HS3ST4: variants seen among roughly 807,000 people sequenced by gnomAD.
The protein encoded by HS3ST4 is heparan sulfate glucosamine 3-O-sulfotransferase 4.
A neutral mutation model predicts 29.2 loss-of-function variants in HS3ST4; 17 were observed. The ratio of observed to expected loss-of-function variants is 0.58; its 90% CI spans 0.40 to 0.87. The LOEUF (loss-of-function observed/expected upper bound fraction) is 0.87. Among genes scored for constraint, HS3ST4 ranks in the 40% least tolerant of loss-of-function variants. HS3ST4 has a pLI of 0.00. For missense variants in HS3ST4, 627 were observed against 634.5 expected (o/e 0.99, Z 0.13); for synonymous variants, 314 against 285.7 (o/e 1.10, Z -1.00).
At chr16:25,826,799 CT>C (rs1967221762) in intron 1 of HS3ST4, among the ~76,000 whole-genome samples, 1 of 152,092 alleles carries the variant, frequency 6.6e-6, no homozygotes, top group Non-Finnish European at 1.5e-5. Context: ...ATTTTAATAG[CT>C]TTCATGGTAT....
At chr16:25,815,514 G>A (rs921873146) in intron 1 of HS3ST4, among the ~76,000 whole-genome samples, 10 of 152,100 alleles carry the variant, frequency 6.6e-5, no homozygotes, top group Admixed American at 4.6e-4. Flanking sequence ...AGTAGAGACG[G>A]GATTTCACCT....
chr16:26,042,517 T>A (rs544098372), intron 1 of HS3ST4, among the ~76,000 whole-genome samples: 18 of 152,352 alleles, frequency 1.2e-4, no homozygotes, highest in Admixed American at 4.6e-4. Flanking sequence ...ATAGTCACAA[T>A]CCTTTTAGTT....
intron 1 of HS3ST4, among the ~76,000 whole-genome samples, chr16:26,059,201 G>T (rs1898446137): frequency 6.6e-6 from 1 of 152,122 alleles, no homozygotes; most frequent in African/African-American, 2.4e-5. Context: ...AGAGTGGCAG[G>T]TTCAAGGGTT....
intron 1 of HS3ST4, among the ~76,000 whole-genome samples, chr16:25,710,757 G>A (rs1329936166): frequency 7.1e-6 from 1 of 140,220 alleles, no homozygotes; most frequent in Non-Finnish European, 1.5e-5. Context: ...TGTACAGAAA[G>A]TTAAGTTTTG....
chr16:25,908,944 G>A (rs1410490904), intron 1 of HS3ST4, among the ~76,000 whole-genome samples: 3 of 152,206 alleles, frequency 2.0e-5, no homozygotes, highest in Non-Finnish European at 4.4e-5. Flanking sequence ...TGATGTTATA[G>A]AGATGTCCCT....
intron 1 of HS3ST4, among the ~76,000 whole-genome samples, chr16:26,030,987 A>G (rs931637845): frequency 6.6e-6 from 1 of 152,240 alleles, no homozygotes; most frequent in Non-Finnish European, 1.5e-5. Flanking sequence ...CACGTAGGAC[A>G]TGCAAAAGAA....
At chr16:26,122,016 G>A (rs1899283152) in intron 1 of HS3ST4, among the ~76,000 whole-genome samples, 1 of 152,232 alleles carries the variant, frequency 6.6e-6, no homozygotes, top group African/African-American at 2.4e-5. Flanking sequence ...AAAGAGAAAA[G>A]AGTAGAAGGA....
Position 26,136,185 on chromosome 16 carries a change from C to T in HS3ST4, c.1308C>T (p.Asn436=). The change falls in exon 2 of 2, where the codon AAC becomes AAT. Residue 436 remains asparagine (N), a synonymous_variant. Coordinates refer to ENST00000331351, the MANE Select transcript of HS3ST4 (RefSeq NM_006040.3). ...HRLRKFYKPF[N]LMFYQMTGQD... ...TGAGGAAATTCTACAAACCCTTCAA[C>T]TTGATGTTTTACCAAATGACTGGTC... The T allele has an allele frequency of 6.2e-7, 1 of 1,613,366 alleles. No individual in the cohort carries two copies. The highest frequency in any genetic ancestry group is 2.2e-5 in the East Asian group (1 of 44,784).
chr16:25,860,384 T>C (rs1253362299), intron 1 of HS3ST4, among the ~76,000 whole-genome samples: 1 of 152,230 alleles, frequency 6.6e-6, no homozygotes, highest in Non-Finnish European at 1.5e-5. Context: ...AGAAAACTTA[T>C]GTCCACACAA....
intron 1 of HS3ST4, among the ~76,000 whole-genome samples, chr16:25,828,331 T>C (rs1238955794): frequency 8.7e-5 from 12 of 138,072 alleles, no homozygotes; most frequent in Non-Finnish European, 1.3e-4. Flanking sequence ...TCTCTCTCTC[T>C]CTCTCTCTTT....
chr16:26,057,972 A>G (rs969522825), intron 1 of HS3ST4, among the ~76,000 whole-genome samples: 22 of 150,310 alleles, frequency 1.5e-4, no homozygotes, highest in African/African-American at 5.3e-4. Flanking sequence ...CTACTCAGAA[A>G]ATGTGAGAGA....
chr16:26,099,181 G>A (rs113118612), intron 1 of HS3ST4, among the ~76,000 whole-genome samples: 8 of 152,236 alleles, frequency 5.3e-5, no homozygotes, highest in African/African-American at 1.9e-4. Flanking sequence ...TAGAGACAGG[G>A]TCTTGCTCTG....
chr16:25,991,115 C>T (rs560389390), intron 1 of HS3ST4, among the ~76,000 whole-genome samples: 7 of 149,480 alleles, frequency 4.7e-5, no homozygotes, highest in Non-Finnish European at 1.0e-4. Flanking sequence ...CCGGCCTCAC[C>T]AGGACCTCAG....
intron 1 of HS3ST4, among the ~76,000 whole-genome samples, chr16:25,725,188 T>A (rs1966525248): frequency 6.6e-6 from 1 of 152,140 alleles, no homozygotes; most frequent in African/African-American, 2.4e-5. Context: ...GCATGCAGCA[T>A]TTCTGAAAGA....
chr16:25,961,277 AAGAAG>A (rs1968790707), intron 1 of HS3ST4, among the ~76,000 whole-genome samples: 1 of 152,224 alleles, frequency 6.6e-6, no homozygotes, highest in South Asian at 2.1e-4. Context: ...AAATGGAGGT[AAGAAG>A]AGAAGAGAAG....
rs536187890 is a variant in HS3ST4, at chr16:25,862,927, C to G, written c.734+169776C>G. ...CTGAGCATTCCTATTGCCTCCTATTCTTGAATATTTTTGATTTTAGGATTT... is the reference window on the plus strand; with the variant it reads ...CTGAGCATTCCTATTGCCTCCTATTGTTGAATATTTTTGATTTTAGGATTT... On this transcript the variant is annotated intron_variant, in intron 1 of 1. Coordinates refer to ENST00000331351, the MANE Select transcript of HS3ST4 (RefSeq NM_006040.3). Among the ~76,000 whole-genome samples the G allele has an allele frequency of 4.6e-5, 7 of 152,252 alleles. No homozygotes were observed. In the East Asian group the frequency reaches 1.4e-3, roughly 29 times the overall value.
At chr16:26,128,872 TG>T (rs146036518) in intron 1 of HS3ST4, among the ~76,000 whole-genome samples, 8,839 of 152,248 alleles carry the variant, frequency 0.058, 368 homozygotes, top group Non-Finnish European at 0.085. Flanking sequence ...GAACTGGCCC[TG>T]CTTCACCCCA....
intron 1 of HS3ST4, among the ~76,000 whole-genome samples, chr16:26,043,042 T>C (rs1969649198): frequency 6.6e-6 from 1 of 152,220 alleles, no homozygotes; most frequent in African/African-American, 2.4e-5. Context: ...AAAAAGTTGC[T>C]ATTCTTCTTC....
intron 1 of HS3ST4, among the ~76,000 whole-genome samples, chr16:25,741,926 G>C (rs1966656512): frequency 6.6e-6 from 1 of 151,998 alleles, no homozygotes; most frequent in Admixed American, 6.6e-5. Context: ...GGGCTCCCCT[G>C]TTATTTACTT....
Sources: gnomAD v4.1 joint callset for allele counts (sites outside exome capture counted in the v4.1 genomes callset) on GRCh38, gnomAD v4.1.1 for gene constraint, MANE v1.5 for transcripts, NCBI Gene and HGNC (gene_info 2026-07-23, HGNC 2026-07-21) for gene names.